ATP2C2: variants seen among roughly 807,000 people sequenced by gnomAD.
ATP2C2 encodes ATPase secretory pathway Ca2+ transporting 2.
Under a neutral mutation model 110.8 loss-of-function variants are expected in ATP2C2, and 171 were observed. The ratio of observed to expected loss-of-function variants is 1.54; its 90% confidence interval spans 1.36 to 1.75. The LOEUF (loss-of-function observed/expected upper bound fraction) is 1.75. Among genes scored for constraint, ATP2C2 ranks in the 40% most tolerant of loss-of-function variants. ATP2C2 has a pLI of 0.00. For synonymous variants in ATP2C2, 804 were observed against 508.4 expected, an observed-to-expected ratio of 1.58 and a Z score of -7.82; for missense variants, 1,963 against 1,235.0, an observed-to-expected ratio of 1.59 and a Z score of -8.84.
At chr16:84,393,079 G>A (rs1206889465) in intron 1 of ATP2C2, among the ~76,000 whole-genome samples, 3 of 152,178 alleles carry the variant, frequency 2.0e-5, no homozygotes, top group Non-Finnish European at 2.9e-5. Flanking sequence ...GATCAGCAGC[G>A]GGCACGGGCC....
intron 13 of ATP2C2, among the ~76,000 whole-genome samples, chr16:84,440,158 G>A (rs1332161849): frequency 1.3e-5 from 2 of 152,146 alleles, no homozygotes; most frequent in African/African-American, 4.8e-5. Context: ...TTTAAGCCAG[G>A]GTCTTGCTGT....
At chr16:84,403,123 G>T (rs531846036) in intron 2 of ATP2C2, among the ~76,000 whole-genome samples, 1 of 152,056 alleles carries the variant, frequency 6.6e-6, no homozygotes, top group Admixed American at 6.5e-5. Context: ...GATATAATTT[G>T]TGAAGTTTCC....
rs533826557 is a variant in ATP2C2, at chr16:84,413,625, G to A, written c.516-1858G>A. Among the ~76,000 whole-genome samples, 62 of 152,268 alleles carry A rather than the reference G, an allele frequency of 4.1e-4. No homozygotes were observed. In the South Asian group the frequency reaches 5.0e-3, roughly 12 times the overall value. On this transcript the variant is annotated intron_variant, in intron 6 of 26. Coordinates refer to ENST00000262429, the MANE Select transcript of ATP2C2 (RefSeq NM_014861.4). Reference sequence around the variant, plus strand: ...AGTCTTGGCCTTTCAGGTGAATAGCGTGCATTATTGATGTCTCCCGGGAGG... The same window carrying A: ...AGTCTTGGCCTTTCAGGTGAATAGCATGCATTATTGATGTCTCCCGGGAGG...
intron 1 of ATP2C2, among the ~76,000 whole-genome samples, chr16:84,398,279 A>G (rs1467609666): frequency 6.6e-6 from 1 of 151,974 alleles, no homozygotes; most frequent in Non-Finnish European, 1.5e-5. Flanking sequence ...GGTGATGCGT[A>G]CCTGTAATCC....
chr16:84,434,245 G>A lies in ATP2C2; in HGVS notation c.987-4921G>A, dbSNP rs138455554. On this transcript the variant is annotated intron_variant, in intron 11 of 26. Transcript: ENST00000262429. ...ATCCCGGCCCACATTGTGAAACCCC[G>A]TCTCTACTAAAAATACAAAAATTAG... Among the ~76,000 whole-genome samples, 571 of 151,040 alleles carry A rather than the reference G, an allele frequency of 3.8e-3. 4 individuals carry two copies. Among genetic ancestry groups the A allele is most frequent in the African/African-American group, 0.013 (525 of 41,074 alleles).
At chr16:84,431,952 G>C (rs1908319725) in intron 11 of ATP2C2, among the ~76,000 whole-genome samples, 1 of 152,110 alleles carries the variant, frequency 6.6e-6, no homozygotes, top group East Asian at 1.9e-4. Flanking sequence ...GGGACAGTGG[G>C]GTTTGGGGCA....
Position 84,440,863 on chromosome 16 carries a change from G to T in ATP2C2, c.1216G>T (p.Gly406Ter), listed in dbSNP as rs768877552. ...TSDGLRAEVS[G>*]VGYDGQGTVC... Reference sequence around the variant, plus strand: ...CTTCTGCCTCGCCCTGCAGGTCAGCGGAGTTGGGTATGACGGTCAAGGGAC... The same window carrying T: ...CTTCTGCCTCGCCCTGCAGGTCAGCTGAGTTGGGTATGACGGTCAAGGGAC... Residue 406 changes from glycine (G) to a stop codon, truncating the protein, a stop_gained, in exon 14 of 27, where the codon GGA becomes TGA. Transcript: ENST00000262429. LOFTEE classifies it high-confidence loss of function. The T allele has an allele frequency of 1.8e-5, 29 of 1,612,720 alleles. No individual in the cohort carries two copies. Among genetic ancestry groups the T allele is most frequent in the South Asian group, 5.5e-5 (5 of 90,502 alleles).
intron 11 of ATP2C2, among the ~76,000 whole-genome samples, chr16:84,431,983 G>A (rs1908320999): frequency 6.6e-6 from 1 of 152,130 alleles, no homozygotes; most frequent in African/African-American, 2.4e-5. Context: ...ACCTGCAGAG[G>A]CAGGCACTGG....
At chr16:84,432,060 G>A (rs891541437) in intron 11 of ATP2C2, among the ~76,000 whole-genome samples, 1 of 152,102 alleles carries the variant, frequency 6.6e-6, no homozygotes, top group Admixed American at 6.5e-5. Context: ...AACCTGGATG[G>A]CCGCTCCCCC....
rs1286824834 is a variant in ATP2C2 at position 84,453,169 on chromosome 16, G to A, written c.1863G>A (p.Leu621=). The part of the protein sequence containing the change: ...GRNIGLCNGK[L]QAMSGEEVDS... ...ACATCGGCCTGTGCAACGGGAAGCT[G>A]CAAGCCATGTCCGGGGAGGAGGTGG... The change falls in exon 19 of 27, where the codon CTG becomes CTA. Residue 621 remains leucine (L), a synonymous_variant. Transcript: ENST00000262429. 2 of 1,613,698 alleles carry A rather than the reference G, an allele frequency of 1.2e-6. No individual in the cohort carries two copies. The highest frequency in any genetic ancestry group is 8.5e-7 in the Non-Finnish European group (1 of 1,179,812).
chr16:84,369,742 T>C (rs968081682), intron 1 of ATP2C2, among the ~76,000 whole-genome samples: 2 of 152,250 alleles, frequency 1.3e-5, no homozygotes, highest in African/African-American at 4.8e-5. Flanking sequence ...GTTTGTGAGA[T>C]TAAGTATTCG....
chr16:84,392,202 C>G (rs1904705526), intron 1 of ATP2C2, among the ~76,000 whole-genome samples: 2 of 152,146 alleles, frequency 1.3e-5, no homozygotes, highest in South Asian at 4.1e-4. Flanking sequence ...TGACACAAAT[C>G]TCAGGCTTCC....
intron 11 of ATP2C2, among the ~76,000 whole-genome samples, chr16:84,437,717 C>G (rs143780906): frequency 6.6e-6 from 1 of 152,062 alleles, no homozygotes; most frequent in Non-Finnish European, 1.5e-5. Context: ...GGTTTCACCA[C>G]GTTGTCCAGG....
At chr16:84,378,698 G>T (rs756491324) in intron 1 of ATP2C2, among the ~76,000 whole-genome samples, 2 of 152,226 alleles carry the variant, frequency 1.3e-5, no homozygotes, top group African/African-American at 4.8e-5. Context: ...GCTCAGTGGT[G>T]GGGGCAGGGC....
intron 11 of ATP2C2, among the ~76,000 whole-genome samples, chr16:84,426,743 C>G (rs775309197): frequency 2.0e-4 from 30 of 152,166 alleles, no homozygotes; most frequent in Non-Finnish European, 1.2e-4. Context: ...AAGCCCTTGT[C>G]TTACAGAGGA....
intron 23 of ATP2C2, 40 bp downstream of exon 23, chr16:84,459,426 C>A: frequency 6.2e-7 from 1 of 1,605,986 alleles, no homozygotes. Flanking sequence ...TCTCTTTACC[C>A]ACCTGCGGGG....
At chr16:84,412,468 G>A (rs1411912563) in intron 6 of ATP2C2, among the ~76,000 whole-genome samples, 4 of 147,996 alleles carry the variant, frequency 2.7e-5, no homozygotes, top group Non-Finnish European at 4.5e-5. Context: ...CTCCGTGTGT[G>A]TGTCTGTGCA....
At chr16:84,435,810 G>A (rs925730353) in intron 11 of ATP2C2, among the ~76,000 whole-genome samples, 1 of 143,322 alleles carries the variant, frequency 7.0e-6, no homozygotes, top group Non-Finnish European at 1.5e-5. Flanking sequence ...CTGGGCGACA[G>A]AGCAAGAACC....
chr16:84,370,217 C>T (rs988810536), intron 1 of ATP2C2, among the ~76,000 whole-genome samples: 1 of 152,190 alleles, frequency 6.6e-6, no homozygotes, highest in African/African-American at 2.4e-5. Flanking sequence ...CCCTCCAAAG[C>T]TTTGCAGGAG....
Sources: gnomAD v4.1 joint callset for allele counts (sites outside exome capture counted in the v4.1 genomes callset) on GRCh38, gnomAD v4.1.1 for gene constraint, MANE v1.5 for transcripts, NCBI Gene and HGNC (gene_info 2026-07-23, HGNC 2026-07-21) for gene names.